IGFL4: variants seen among roughly 807,000 people sequenced by gnomAD.
The protein encoded by IGFL4 is IGF like family member 4, also known as insulin growth factor-like family member 4.
In IGFL4, 12 loss-of-function variants were observed where a neutral mutation model predicts 15.4. The ratio of observed to expected loss-of-function variants is 0.78; its 90% CI spans 0.50 to 1.26. IGFL4 has a LOEUF of 1.26. IGFL4 is among the 50% of genes most tolerant of loss of function. IGFL4 has a pLI of 0.00. For synonymous variants in IGFL4, 54 were observed against 55.9 expected (o/e 0.97, Z 0.16); for missense variants, 126 against 147.8 (o/e 0.85, Z 0.76).
At chr19:46,065,498 G>A (rs1232305047) in intron 1 of IGFL4, among the ~76,000 whole-genome samples, 1 of 152,144 alleles carries the variant, frequency 6.6e-6, no homozygotes, top group East Asian at 1.9e-4. Context: ...TAGTAGAGAC[G>A]GGGTTTCAAC....
chr19:46,068,836 C>G (rs778342820), intron 1 of IGFL4, among the ~76,000 whole-genome samples: 3 of 152,218 alleles, frequency 2.0e-5, no homozygotes, highest in Non-Finnish European at 4.4e-5. Context: ...TCAGGGCAAT[C>G]ACATTCGGGA....
upstream of IGFL4, among the ~76,000 whole-genome samples, chr19:46,045,737 G>A (rs988027187): frequency 6.6e-6 from 1 of 152,038 alleles, no homozygotes. Context: ...AGAACAAAAA[G>A]AACTGAACAA....
At chr19:46,058,747 G>C (rs1969417221) in intron 2 of IGFL4, 2 of 152,198 alleles carry the variant, frequency 1.3e-5, no homozygotes, top group Admixed American at 1.3e-4. Context: ...TGCTGCCTAG[G>C]CTTGGAGCTT....
chr19:46,069,597 C>T (rs1969526768), intron 1 of IGFL4, among the ~76,000 whole-genome samples: 1 of 152,130 alleles, frequency 6.6e-6, no homozygotes, highest in Non-Finnish European at 1.5e-5. Context: ...CCCTTGAAGC[C>T]CTAAAAGCCC....
intron 2 of IGFL4, among the ~76,000 whole-genome samples, chr19:46,052,840 T>C: frequency 6.6e-6 from 1 of 151,524 alleles, no homozygotes; most frequent in East Asian, 1.9e-4. Flanking sequence ...TTCCCTAGAA[T>C]TCTACAGGTA....
chr19:46,041,413 TCAC>T (rs1969241716), upstream of IGFL4, among the ~76,000 whole-genome samples: 1 of 152,204 alleles, frequency 6.6e-6, no homozygotes, highest in African/African-American at 2.4e-5. Flanking sequence ...CCGTCTCAGT[TCAC>T]CTGCAGACCT....
chr19:46,040,335 C>T lies in IGFL4; in HGVS notation c.152G>A (p.Gly51Asp). ...YNPLEQCCDD[G>D]VILDLNQTRL... ...GGTCTGGTTCAAGTCTAGGATGACA[C>T]CGTCATCACAGCACTGCTCCAAGGG... The change falls in exon 3 of 4, where the codon GGT becomes GAT. Residue 51 changes from glycine to aspartate, a missense_variant. Coordinates refer to ENST00000377697, the MANE Select transcript of IGFL4 (RefSeq NM_001002923.3). This position sits in a 1 kb window ranked among gnomAD's most constrained non-coding sequence, Gnocchi z 4.1. 1 of 1,614,100 alleles carries T rather than the reference C, an allele frequency of 6.2e-7. No individual in the cohort carries two copies. Among genetic ancestry groups the T allele is most frequent in the Non-Finnish European group, 8.5e-7 (1 of 1,179,940 alleles).
At position 46,039,590 on chromosome 19, in the gene IGFL4, C is replaced by T. The variant is rs1264430624; in HGVS notation, c.*302G>A. On this transcript the variant is annotated 3_prime_UTR_variant, in exon 4 of 4. Transcript: ENST00000377697. ...CCTTGAGCAGTGGTTTGTAGTTCTC[C>T]TTGAAGAGGTCCTTCACATCCCTTG... 6.9e-6 allele frequency among the ~76,000 whole-genome samples: 1 copy of T among 144,762 alleles called. No homozygotes were observed. Among genetic ancestry groups the T allele is most frequent in the Non-Finnish European group, 1.5e-5 (1 of 66,490 alleles). 95.0% of individuals were successfully genotyped at this position (144,762 alleles called of 152,430 possible).
intron 2 of IGFL4, among the ~76,000 whole-genome samples, chr19:46,056,041 C>T (rs180917581): frequency 2.7e-3 from 405 of 152,248 alleles, no homozygotes; most frequent in Middle Eastern, 0.01. Flanking sequence ...CCTTCCAAAG[C>T]GCTGGCATTA....
At chr19:46,070,877 T>C (rs1401362160) in intron 1 of IGFL4, among the ~76,000 whole-genome samples, 1 of 152,200 alleles carries the variant, frequency 6.6e-6, no homozygotes, top group Admixed American at 6.5e-5. Context: ...GGGTTTTTCT[T>C]GGTCGATGTT....
At chr19:46,042,348 G>T (rs529644847), upstream of IGFL4, among the ~76,000 whole-genome samples, 2 of 152,222 alleles carry the variant, frequency 1.3e-5, no homozygotes, top group Admixed American at 1.3e-4. Flanking sequence ...CAGCTGCTGC[G>T]GAAACAGACC....
At chr19:46,070,458 G>A (rs1246751010) in intron 1 of IGFL4, among the ~76,000 whole-genome samples, 3 of 151,542 alleles carry the variant, frequency 2.0e-5, no homozygotes, top group African/African-American at 7.3e-5. Flanking sequence ...TCTTCTGCAT[G>A]CTCACAATAC....
intron 2 of IGFL4, among the ~76,000 whole-genome samples, chr19:46,046,380 G>A (rs1969297630): frequency 6.6e-6 from 1 of 152,180 alleles, no homozygotes; most frequent in Non-Finnish European, 1.5e-5. Context: ...CTAGCATCAT[G>A]ATGACAGGAA....
At chr19:46,070,750 C>T (rs1236106695) in intron 1 of IGFL4, among the ~76,000 whole-genome samples, 4 of 152,146 alleles carry the variant, frequency 2.6e-5, no homozygotes, top group African/African-American at 7.2e-5. Context: ...GGAGGCACAT[C>T]GGCAGTTCAT....
chr19:46,040,387 G>T lies in IGFL4; in HGVS notation c.100C>A (p.Pro34Thr), dbSNP rs1228707799. The change falls in exon 3 of 4, where the codon CCC becomes ACC. Residue 34 changes from proline to threonine, a missense_variant. By Grantham distance (38) the Pro-to-Thr change is conservative. Transcript: ENST00000377697. The surrounding 1 kb of genome is among the most constrained non-coding windows in gnomAD (Gnocchi z 4.1). ...DLRLWLCQPA[P>T]RCGEWTYNPL... ...TTGTAGGTCCACTCCCCGCACCTGGGCGCTGGCTGGCATAGCCACAGTCTA... is the reference window on the plus strand; with the variant it reads ...TTGTAGGTCCACTCCCCGCACCTGGTCGCTGGCTGGCATAGCCACAGTCTA... 6.2e-7 allele frequency: 1 copy of T among 1,614,092 alleles called. No homozygotes were observed. Among genetic ancestry groups the T allele is most frequent in the Middle Eastern group, 1.6e-4 (1 of 6,084 alleles).
At chr19:46,064,463 A>G (rs1263872687) in intron 1 of IGFL4, among the ~76,000 whole-genome samples, 2 of 151,936 alleles carry the variant, frequency 1.3e-5, no homozygotes, top group Non-Finnish European at 2.9e-5. Flanking sequence ...CCCATTAACC[A>G]CGCCCCCTAC....
chr19:46,053,161 C>A (rs1969363319), intron 2 of IGFL4, among the ~76,000 whole-genome samples: 1 of 152,090 alleles, frequency 6.6e-6, no homozygotes, highest in Admixed American at 6.6e-5. Context: ...ACTTACACTG[C>A]AATATAGCCA....
At chr19:46,045,434 ACT>A (rs1430896014), upstream of IGFL4, among the ~76,000 whole-genome samples, 3 of 140,140 alleles carry the variant, frequency 2.1e-5, no homozygotes, top group East Asian at 2.0e-4. Context: ...CAAGAGTGAA[ACT>A]CTGTCTCAAA....
intron 2 of IGFL4, among the ~76,000 whole-genome samples, chr19:46,055,104 A>C (rs549362987): frequency 3.9e-5 from 6 of 152,332 alleles, no homozygotes; most frequent in African/African-American, 1.2e-4. Context: ...CCATGGGAGC[A>C]GTAAGTAAAA....
Sources: allele counts gnomAD v4.1 joint callset (sites outside exome capture counted in the v4.1 genomes callset), GRCh38; gene constraint gnomAD v4.1.1; non-coding constraint Gnocchi (gnomAD v3.1); transcripts MANE v1.5; gene names NCBI Gene and HGNC (gene_info 2026-07-23, HGNC 2026-07-21).